The following PDZRN4 variants were observed in gnomAD, a reference collection of about 807,000 sequenced individuals.
The protein encoded by PDZRN4 is PDZ domain containing ring finger 4, also known as PDZ domain-containing RING finger protein 4.
PDZRN4 carries 70 observed loss-of-function variants against 99.0 expected under a neutral mutation model. That is an observed-to-expected ratio of 0.71 (90% CI 0.58 to 0.86). PDZRN4 has a LOEUF of 0.86. PDZRN4 is among the 40% of genes least tolerant of loss of function. The probability of loss-of-function intolerance (pLI) is 0.00; values close to 1 mark genes in which losing one functional copy is unlikely to be tolerated. For missense variants in PDZRN4, 1,474 were observed against 1,331.2 expected, an observed-to-expected ratio of 1.11 and a Z score of -1.67; for synonymous variants, 551 against 501.6, an observed-to-expected ratio of 1.10 and a Z score of -1.32.
intron 3 of PDZRN4, among the ~76,000 whole-genome samples, chr12:41,495,082 G>A (rs147361874): frequency 1.7e-4 from 26 of 152,080 alleles, no homozygotes; most frequent in African/African-American, 5.3e-4. Context: ...CTACACAAAG[G>A]TATAACGATG....
intron 3 of PDZRN4, among the ~76,000 whole-genome samples, chr12:41,408,167 T>G (rs1952363334): frequency 6.6e-6 from 1 of 152,158 alleles, no homozygotes; most frequent in Admixed American, 6.6e-5. Flanking sequence ...CATGTTAAAC[T>G]AAGACCAAGA....
At chr12:41,555,052 C>CAAAAAAAAA (rs67810817) in intron 6 of PDZRN4, among the ~76,000 whole-genome samples, 9 of 113,530 alleles carry the variant, frequency 7.9e-5, no homozygotes, top group Non-Finnish European at 1.4e-4. Context: ...ACTAAAAATA[C>CAAAAAAAAA]AAAAAAAAAA....
chr12:41,259,499 T>A lies in PDZRN4; in HGVS notation c.843+65311T>A, dbSNP rs543378101. Among the ~76,000 whole-genome samples the A allele has an allele frequency of 3.2e-4, 48 of 152,222 alleles. 1 individual carries two copies. The South Asian group carries it at 3.7e-3, about 12-fold the overall frequency. ...GTCAAGAAACACTGGTACTTGAAAG[T>A]GTTTATTTGTGTTGGATGAAATTAG... On this transcript the variant is annotated intron_variant, in intron 3 of 9. Transcript: ENST00000402685.
chr12:41,561,593 G>T (rs989063037), intron 7 of PDZRN4, among the ~76,000 whole-genome samples: 1 of 134,286 alleles, frequency 7.4e-6, no homozygotes, highest in Non-Finnish European at 1.6e-5. Flanking sequence ...TATATATTAA[G>T]TTATATATAT....
Position 41,339,706 on chromosome 12 carries a change from G to A in PDZRN4, c.843+145518G>A, listed in dbSNP as rs537508324. ...GGAATTAATAGGCAGAATATGTAATGCACTCAAACAACTCAATAGAAAAAT... is the reference window on the plus strand; with the variant it reads ...GGAATTAATAGGCAGAATATGTAATACACTCAAACAACTCAATAGAAAAAT... On this transcript the variant is annotated intron_variant, in intron 3 of 9. Transcript: ENST00000402685. Among the ~76,000 whole-genome samples, 10 of 152,108 alleles carry A rather than the reference G, an allele frequency of 6.6e-5. No homozygotes were observed. The East Asian group carries it at 1.7e-3, about 26-fold the overall frequency.
At chr12:41,506,848 C>G in intron 4 of PDZRN4, 136 bp downstream of exon 4, 1 of 946,948 alleles carries the variant, frequency 1.1e-6, no homozygotes, top group South Asian at 1.7e-5. Context: ...GAAAATGTCT[C>G]CCCTGTTTTG....
At chr12:41,288,421 G>A (rs1013431472) in intron 3 of PDZRN4, among the ~76,000 whole-genome samples, 5 of 152,148 alleles carry the variant, frequency 3.3e-5, no homozygotes, top group Admixed American at 2.6e-4. Context: ...TAGATAACAA[G>A]TGGCAGTATT....
At chr12:41,347,576 C>G (rs1050552648) in intron 3 of PDZRN4, among the ~76,000 whole-genome samples, 1 of 152,042 alleles carries the variant, frequency 6.6e-6, no homozygotes, top group African/African-American at 2.4e-5. Flanking sequence ...TTGGCAAATA[C>G]TTTTTCTTAT....
chr12:41,493,738 T>C (rs2120636772), intron 3 of PDZRN4, among the ~76,000 whole-genome samples: 1 of 152,126 alleles, frequency 6.6e-6, no homozygotes, highest in South Asian at 2.1e-4. Flanking sequence ...ACCCAGGTGG[T>C]CTTTTTCACT....
intron 4 of PDZRN4, among the ~76,000 whole-genome samples, chr12:41,508,617 A>G (rs1281949400): frequency 1.3e-5 from 2 of 152,164 alleles, no homozygotes; most frequent in East Asian, 3.9e-4. Flanking sequence ...CCAAGAGCCC[A>G]AAAGGGCTAT....
intron 3 of PDZRN4, among the ~76,000 whole-genome samples, chr12:41,415,332 T>C (rs1290979068): frequency 6.7e-6 from 1 of 148,962 alleles, no homozygotes; most frequent in Non-Finnish European, 1.5e-5. Flanking sequence ...TGAAATAATA[T>C]ATATTACAAA....
intron 3 of PDZRN4, among the ~76,000 whole-genome samples, chr12:41,335,282 T>C (rs968231852): frequency 4.6e-5 from 7 of 151,886 alleles, no homozygotes; most frequent in Non-Finnish European, 7.4e-5. Context: ...TTTATTATTA[T>C]ACTTTAAGTT....
chr12:41,216,942 C>T (rs1358732003), intron 3 of PDZRN4, among the ~76,000 whole-genome samples: 3 of 152,060 alleles, frequency 2.0e-5, no homozygotes, highest in Non-Finnish European at 4.4e-5. Context: ...GAAGAGTTTT[C>T]CTCATGTAGA....
intron 2 of PDZRN4, among the ~76,000 whole-genome samples, chr12:41,192,256 A>G (rs1950740193): frequency 6.6e-6 from 1 of 152,140 alleles, no homozygotes; most frequent in Admixed American, 6.5e-5. Flanking sequence ...GGCGTGTGCC[A>G]CCACGCCCAG....
At chr12:41,554,274 A>C (rs1276604263) in intron 6 of PDZRN4, among the ~76,000 whole-genome samples, 27 of 152,200 alleles carry the variant, frequency 1.8e-4, no homozygotes. Context: ...AGTGGTTTTT[A>C]AATGGGATAC....
chr12:41,526,029 C>A (rs1268881418), intron 5 of PDZRN4, among the ~76,000 whole-genome samples: 1 of 152,142 alleles, frequency 6.6e-6, no homozygotes, highest in Non-Finnish European at 1.5e-5. Context: ...CAAATCCAGT[C>A]CTACCTTCCA....
chr12:41,216,407 A>G (rs1181373510), intron 3 of PDZRN4, among the ~76,000 whole-genome samples: 3 of 152,124 alleles, frequency 2.0e-5, no homozygotes, highest in East Asian at 1.9e-4. Flanking sequence ...AGGATTCTAT[A>G]TAGACCTTGA....
intron 5 of PDZRN4, among the ~76,000 whole-genome samples, chr12:41,536,086 A>G (rs770830900): frequency 6.6e-6 from 1 of 152,154 alleles, no homozygotes; most frequent in African/African-American, 2.4e-5. Flanking sequence ...TTCATGCCCT[A>G]TGAAACTGTC....
intron 3 of PDZRN4, among the ~76,000 whole-genome samples, chr12:41,298,916 C>G (rs1354633733): frequency 1.3e-5 from 2 of 152,180 alleles, no homozygotes; most frequent in Non-Finnish European, 2.9e-5. Flanking sequence ...TAAGGATTCA[C>G]TCTCTCATTG....
Sources: gnomAD v4.1 joint callset for allele counts (sites outside exome capture counted in the v4.1 genomes callset) on GRCh38, gnomAD v4.1.1 for gene constraint, MANE v1.5 for transcripts, NCBI Gene and HGNC (gene_info 2026-07-23, HGNC 2026-07-21) for gene names.